The following CNTNAP2 variants were observed in gnomAD, a reference collection of about 807,000 sequenced individuals.
CNTNAP2 encodes the protein contactin-associated protein-like 2.
In CNTNAP2, 98 loss-of-function variants were observed where a neutral mutation model predicts 155.2. The ratio of observed to expected loss-of-function variants is 0.63; its 90% CI spans 0.54 to 0.75. The LOEUF is 0.75. Ranked by LOEUF, CNTNAP2 falls within the 30% of genes least tolerant of loss-of-function variation. CNTNAP2 has a pLI of 0.00. For missense variants in CNTNAP2, 1,727 were observed against 1,688.1 expected, an observed-to-expected ratio of 1.02 and a Z score of -0.40; for synonymous variants, 651 against 631.2, an observed-to-expected ratio of 1.03 and a Z score of -0.47.
intron 9 of CNTNAP2, among the ~76,000 whole-genome samples, chr7:147,311,690 C>G (rs1436357409): frequency 7.5e-6 from 1 of 133,878 alleles, no homozygotes; most frequent in African/African-American, 3.1e-5. Context: ...TCTTGACAAA[C>G]CAGAAAGAAG....
At chr7:147,609,216 A>G (rs182122707) in intron 12 of CNTNAP2, among the ~76,000 whole-genome samples, 57 of 152,280 alleles carry the variant, frequency 3.7e-4, no homozygotes, top group African/African-American at 1.0e-3. Flanking sequence ...CTTCTCTGAC[A>G]TCCTGGAGTT....
At chr7:148,353,305 C>T (rs894696107) in intron 21 of CNTNAP2, among the ~76,000 whole-genome samples, 3 of 152,210 alleles carry the variant, frequency 2.0e-5, no homozygotes, top group African/African-American at 7.2e-5. Context: ...ACTGCAGATG[C>T]ACTTCCACAT....
At chr7:146,807,037 TAAAC>T (rs778914453) in intron 2 of CNTNAP2, among the ~76,000 whole-genome samples, 2 of 152,146 alleles carry the variant, frequency 1.3e-5, no homozygotes, top group Non-Finnish European at 2.9e-5. Context: ...AATGAATAAA[TAAAC>T]AAAGTTCCTC....
chr7:147,873,792 T>A (rs2116705227), intron 13 of CNTNAP2, among the ~76,000 whole-genome samples: 1 of 152,302 alleles, frequency 6.6e-6, no homozygotes, highest in Middle Eastern at 3.4e-3. Context: ...AAGTCCCTTC[T>A]GCCTATGAGC....
intron 1 of CNTNAP2, among the ~76,000 whole-genome samples, chr7:146,766,711 G>A (rs1020872721): frequency 2.0e-5 from 3 of 152,244 alleles, no homozygotes; most frequent in South Asian, 2.1e-4. Context: ...TGGCTATCAC[G>A]TAAGTGTTCA....
At chr7:148,163,684 G>C (rs1025253380) in intron 17 of CNTNAP2, among the ~76,000 whole-genome samples, 4 of 152,170 alleles carry the variant, frequency 2.6e-5, no homozygotes, top group Non-Finnish European at 2.9e-5. Context: ...ATCTGAAAAA[G>C]CAATTTTCCA....
At chr7:146,721,887 A>ATTTTTTTTTTTTTT in intron 1 of CNTNAP2, among the ~76,000 whole-genome samples, 1 of 81,954 alleles carries the variant, frequency 1.2e-5, no homozygotes, top group Non-Finnish European at 2.0e-5. Context: ...ATATATATAT[A>ATTTTTTTTTTTTTT]TATTTTTTTT....
chr7:148,061,972 T>TAGAG (rs1554468134), intron 15 of CNTNAP2, among the ~76,000 whole-genome samples: 3 of 127,886 alleles, frequency 2.3e-5, no homozygotes, highest in Non-Finnish European at 4.7e-5. Flanking sequence ...GATAGATAGA[T>TAGAG]AGATAGATAG....
intron 14 of CNTNAP2, among the ~76,000 whole-genome samples, chr7:147,920,777 A>G (rs1800261440): frequency 6.7e-6 from 1 of 149,508 alleles, no homozygotes; most frequent in African/African-American, 2.5e-5. Context: ...ACACCACTGC[A>G]ATTTCACGTA....
chr7:147,805,784 C>T lies in CNTNAP2; in HGVS notation c.2099-97781C>T, dbSNP rs57219291. ...CATCCCTGGGATGAATCCACTTGAT[C>T]GGGATGACTGATCTTTTTAATGTGT... On this transcript the variant is annotated intron_variant, in intron 13 of 23. Coordinates refer to ENST00000361727, the MANE Select transcript of CNTNAP2 (RefSeq NM_014141.6). Among the ~76,000 whole-genome samples, 743 of 152,260 alleles carry T rather than the reference C, an allele frequency of 4.9e-3. 7 individuals carry two copies. Among genetic ancestry groups the T allele is most frequent in the African/African-American group, 0.017 (699 of 41,542 alleles).
chr7:147,664,476 G>C (rs535003910), intron 13 of CNTNAP2, among the ~76,000 whole-genome samples: 105 of 152,200 alleles, frequency 6.9e-4, no homozygotes, highest in African/African-American at 2.4e-3. Flanking sequence ...GCATTCTTTT[G>C]GTTTTTCTGC....
At chr7:146,858,633 G>A (rs1298451795) in intron 3 of CNTNAP2, among the ~76,000 whole-genome samples, 2 of 152,144 alleles carry the variant, frequency 1.3e-5, no homozygotes, top group Non-Finnish European at 1.5e-5. Context: ...GGTCGAGGCT[G>A]CAGTCAGCCA....
chr7:148,287,455 C>T (rs897680790), intron 21 of CNTNAP2, among the ~76,000 whole-genome samples: 1 of 152,172 alleles, frequency 6.6e-6, no homozygotes. Context: ...AAGATGCCAC[C>T]GATTGAGTGA....
At chr7:148,361,158 C>T (rs1053055965) in intron 21 of CNTNAP2, among the ~76,000 whole-genome samples, 15 of 152,126 alleles carry the variant, frequency 9.9e-5, no homozygotes, top group Non-Finnish European at 2.2e-4. Flanking sequence ...CTGAGGCATC[C>T]ATTTCTATGT....
intron 21 of CNTNAP2, among the ~76,000 whole-genome samples, chr7:148,363,154 T>C (rs1420261349): frequency 6.6e-6 from 1 of 152,208 alleles, no homozygotes; most frequent in African/African-American, 2.4e-5. Context: ...GCTAATTTTG[T>C]ATTTTTTTAG....
chr7:147,919,876 C>T (rs1264998311), intron 14 of CNTNAP2, among the ~76,000 whole-genome samples: 1 of 151,718 alleles, frequency 6.6e-6, no homozygotes, highest in African/African-American at 2.4e-5. Flanking sequence ...CATGAGCCAC[C>T]GTGCCCGGCC....
At chr7:147,435,227 C>T (rs945733339) in intron 10 of CNTNAP2, among the ~76,000 whole-genome samples, 1 of 152,032 alleles carries the variant, frequency 6.6e-6, no homozygotes, top group Non-Finnish European at 1.5e-5. Flanking sequence ...TGAGTAGAGC[C>T]CACTGCAGGT....
At chr7:147,832,339 C>T (rs890257124) in intron 13 of CNTNAP2, among the ~76,000 whole-genome samples, 3 of 145,230 alleles carry the variant, frequency 2.1e-5, no homozygotes, top group African/African-American at 7.5e-5. Flanking sequence ...TATATTTATA[C>T]ATATATCTAT....
chr7:146,766,420 G>A (rs1802195457), intron 1 of CNTNAP2, among the ~76,000 whole-genome samples: 1 of 152,072 alleles, frequency 6.6e-6, no homozygotes, highest in Admixed American at 6.6e-5. Context: ...ATCAAAATGA[G>A]AGGTGGTGAG....
Sources: allele counts gnomAD v4.1 joint callset (sites outside exome capture counted in the v4.1 genomes callset), GRCh38; gene constraint gnomAD v4.1.1; transcripts MANE v1.5; gene names NCBI Gene and HGNC (gene_info 2026-07-23, HGNC 2026-07-21).